The following PDE4D variants were observed in gnomAD, a reference collection of about 807,000 sequenced individuals.
The protein encoded by PDE4D is phosphodiesterase 4D.
PDE4D carries 24 observed loss-of-function variants against 87.4 expected under a neutral mutation model. The observed-to-expected ratio is 0.27, with a 90% CI of 0.20 to 0.39. The LOEUF (loss-of-function observed/expected upper bound fraction) is 0.39. Among genes scored for constraint, PDE4D ranks in the 10% least tolerant of loss-of-function variants. PDE4D has a pLI of 1.00. For missense variants in PDE4D, 714 were observed against 1,041.0 expected (o/e 0.69, Z 4.32); for synonymous variants, 384 against 383.2 (o/e 1.00, Z -0.02).
At chr5:59,200,100 C>A (rs1292053798) in intron 2 of PDE4D, among the ~76,000 whole-genome samples, 8 of 144,202 alleles carry the variant, frequency 5.5e-5, no homozygotes, top group Non-Finnish European at 1.5e-5. Context: ...TGTAGACATA[C>A]ATGTATGCAC....
chr5:59,734,648 T>G (rs896671688), intron 1 of PDE4D, among the ~76,000 whole-genome samples: 4 of 152,108 alleles, frequency 2.6e-5, no homozygotes, highest in African/African-American at 4.8e-5. Context: ...TTAAGATAAC[T>G]CCATGTATTA....
rs181857787 is a variant in PDE4D at position 60,014,443 on chromosome 5, A to T, written c.43-25726T>A. Among the ~76,000 whole-genome samples the T allele has an allele frequency of 1.5e-3, 233 of 152,322 alleles. 1 individual carries two copies. Among genetic ancestry groups the T allele is most frequent in the Admixed American group, 6.6e-3 (101 of 15,292 alleles). ...CCAGATGGCAGAAGGTTTTCAGAGT[A>T]AAAAATGGTCTCTGATCAAATCAAG... On this transcript the variant is annotated intron_variant, in intron 2 of 16. Transcript: ENST00000502484.
At chr5:60,272,498 T>G (rs912989507) in intron 1 of PDE4D, among the ~76,000 whole-genome samples, 2 of 152,238 alleles carry the variant, frequency 1.3e-5, no homozygotes, top group African/African-American at 2.4e-5. Flanking sequence ...TCTGCAGATC[T>G]TTTAGAATGG....
At chr5:59,311,821 T>C (rs1772712583) in intron 1 of PDE4D, among the ~76,000 whole-genome samples, 1 of 152,182 alleles carries the variant, frequency 6.6e-6, no homozygotes, top group Admixed American at 6.5e-5. Flanking sequence ...CAAACCTTTA[T>C]GGCCTAAAGG....
At chr5:60,259,053 T>C (rs1329675979) in intron 1 of PDE4D, among the ~76,000 whole-genome samples, 1 of 152,058 alleles carries the variant, frequency 6.6e-6, no homozygotes, top group East Asian at 1.9e-4. Context: ...AAGCTCATCA[T>C]ATTTACTATC....
intron 5 of PDE4D, among the ~76,000 whole-genome samples, chr5:59,062,708 T>TTTG (rs1013977639): frequency 6.6e-6 from 1 of 151,540 alleles, no homozygotes. Flanking sequence ...ATGTGGTTTT[T>TTTG]TTTTTTTTTT....
intron 1 of PDE4D, among the ~76,000 whole-genome samples, chr5:59,843,986 T>C (rs553761623): frequency 6.6e-6 from 1 of 152,236 alleles, no homozygotes; most frequent in East Asian, 1.9e-4. Context: ...TGTTTAGTGA[T>C]GAAACATATC....
intron 5 of PDE4D, among the ~76,000 whole-genome samples, chr5:59,170,000 C>A (rs1261901842): frequency 6.6e-6 from 1 of 152,084 alleles, no homozygotes. Context: ...CAGGAGTGGA[C>A]TTTGGTGACA....
chr5:59,175,657 T>A (rs1190440159), intron 5 of PDE4D, among the ~76,000 whole-genome samples: 1 of 151,824 alleles, frequency 6.6e-6, no homozygotes, highest in African/African-American at 2.4e-5. Context: ...ATTTTTGTAT[T>A]TTAATAGAGA....
intron 2 of PDE4D, among the ~76,000 whole-genome samples, chr5:60,053,605 C>T (rs1207405043): frequency 6.6e-6 from 1 of 152,162 alleles, no homozygotes; most frequent in Non-Finnish European, 1.5e-5. Flanking sequence ...AAAACCTAGG[C>T]AATACTATTA....
At chr5:60,303,816 A>T (rs1254500378) in intron 1 of PDE4D, among the ~76,000 whole-genome samples, 2 of 152,128 alleles carry the variant, frequency 1.3e-5, no homozygotes, top group Non-Finnish European at 2.9e-5. Flanking sequence ...GGTCTGCTTG[A>T]TCCAGAGCTG....
At position 60,445,654 on chromosome 5, in the gene PDE4D, G is replaced by A. The variant is rs188318860; in HGVS notation, c.-90+42288C>T. Among the ~76,000 whole-genome samples the A allele has an allele frequency of 2.3e-3, 346 of 152,184 alleles. 2 individuals are homozygous for A. Among genetic ancestry groups the A allele is most frequent in the African/African-American group, 7.5e-3 (310 of 41,542 alleles). ...CCCAGGGGCTGGGGAAGGGGGAAAT[G>A]GGGATTTGCTATTCAGAGGGTATAA... On this transcript the variant is annotated intron_variant, in intron 1 of 16. Coordinates refer to the PDE4D transcript ENST00000502484.
intron 1 of PDE4D, among the ~76,000 whole-genome samples, chr5:59,482,059 T>A (rs892187395): frequency 1.3e-5 from 2 of 152,040 alleles, no homozygotes; most frequent in East Asian, 3.9e-4. Context: ...TAAAAAAAAA[T>A]TTCTTTTCAA....
At chr5:59,861,756 A>T (rs1189875263) in intron 1 of PDE4D, among the ~76,000 whole-genome samples, 1 of 152,140 alleles carries the variant, frequency 6.6e-6, no homozygotes, top group Non-Finnish European at 1.5e-5. Context: ...CTTGGGGAGG[A>T]TCATTGTTAA....
chr5:59,829,526 T>C (rs1339362859), intron 1 of PDE4D, among the ~76,000 whole-genome samples: 3 of 152,010 alleles, frequency 2.0e-5, no homozygotes, highest in African/African-American at 7.2e-5. Context: ...TTCCGGTTTG[T>C]CAGGGATCCC....
chr5:59,035,372 AAT>A (rs1451059295), intron 6 of PDE4D, among the ~76,000 whole-genome samples: 1 of 152,208 alleles, frequency 6.6e-6, no homozygotes, highest in African/African-American at 2.4e-5. Flanking sequence ...AAAAACTGTA[AAT>A]ATAATTTAAG....
chr5:60,192,763 T>C (rs953257294), intron 1 of PDE4D, among the ~76,000 whole-genome samples: 2 of 150,062 alleles, frequency 1.3e-5, no homozygotes, highest in Non-Finnish European at 3.0e-5. Context: ...GTATTATGGG[T>C]AGTTCTGTCT....
intron 1 of PDE4D, among the ~76,000 whole-genome samples, chr5:59,875,934 G>A (rs1374911154): frequency 6.6e-6 from 1 of 152,138 alleles, no homozygotes; most frequent in Non-Finnish European, 1.5e-5. Context: ...ACATAGAGGG[G>A]AATGGCACAC....
chr5:59,030,910 C>G (rs893235338), intron 6 of PDE4D, among the ~76,000 whole-genome samples: 6 of 152,058 alleles, frequency 3.9e-5, no homozygotes, highest in Admixed American at 3.9e-4. Flanking sequence ...CATAGGTAAA[C>G]ATGTGCCATG....
Sources: allele counts gnomAD v4.1 joint callset (sites outside exome capture counted in the v4.1 genomes callset), GRCh38; gene constraint gnomAD v4.1.1; transcripts MANE v1.5; gene names NCBI Gene and HGNC (gene_info 2026-07-23, HGNC 2026-07-21).